The following CFAP299 variants were observed in gnomAD, a reference collection of about 807,000 sequenced individuals.
The protein encoded by CFAP299 is cilia- and flagella-associated protein 299.
CFAP299 carries 21 observed loss-of-function variants against 27.0 expected under a neutral mutation model. The ratio of observed to expected loss-of-function variants is 0.78; its 90% CI spans 0.55 to 1.12. The LOEUF (loss-of-function observed/expected upper bound fraction) is 1.12, where lower values mean the gene tolerates loss of function less well. CFAP299 is among the 50% of genes most tolerant of loss of function. CFAP299 has a pLI of 0.00. For synonymous variants in CFAP299, 104 were observed against 98.1 expected (o/e 1.06, Z -0.36); for missense variants, 310 against 276.6 (o/e 1.12, Z -0.86).
chr4:80,732,507 A>G (rs974620804), intron 3 of CFAP299, among the ~76,000 whole-genome samples: 1 of 152,184 alleles, frequency 6.6e-6, no homozygotes, highest in Non-Finnish European at 1.5e-5. Flanking sequence ...TCTTTTGAAT[A>G]GTACATTCTA....
At chr4:80,492,624 AT>A (rs1731195457) in intron 2 of CFAP299, among the ~76,000 whole-genome samples, 1 of 152,176 alleles carries the variant, frequency 6.6e-6, no homozygotes, top group South Asian at 2.1e-4. Flanking sequence ...TTCAAGACAC[AT>A]TTTCATGCAT....
In CFAP299 at chr4:80,391,058, T is replaced by C. The variant is rs887339712; in HGVS notation, c.242+28174T>C. Among the ~76,000 whole-genome samples the C allele has an allele frequency of 1.3e-4, 20 of 151,772 alleles. 1 individual carries two copies. Among genetic ancestry groups the C allele is most frequent in the African/African-American group, 4.1e-4 (17 of 41,416 alleles). ...ATACACACACACATATATACACACA[T>C]ATATATACATATACACATATATACA... On this transcript the variant is annotated intron_variant, in intron 2 of 5. Transcript: ENST00000358105.
intron 2 of CFAP299, among the ~76,000 whole-genome samples, chr4:80,483,627 T>C (rs139387243): frequency 1.2e-4 from 18 of 152,118 alleles, no homozygotes; most frequent in Middle Eastern, 3.4e-3. Context: ...TTTAAGAAAA[T>C]TTCAGGACTT....
At chr4:80,659,466 T>A (rs374336835) in intron 3 of CFAP299, among the ~76,000 whole-genome samples, 7 of 151,936 alleles carry the variant, frequency 4.6e-5, no homozygotes, top group African/African-American at 1.7e-4. Flanking sequence ...AAAGAATAAC[T>A]CACTTGAAAT....
chr4:80,916,252 AATATATATATATATATATATATATATAT>A lies in CFAP299; in HGVS notation c.477-28541_477-28514del, dbSNP rs10696316. On this transcript the variant is annotated intron_variant, in intron 4 of 5. Transcript: ENST00000358105. ...ACTCTGGTCTGGGCAACTAGACTGA[AATATATATATATATATATATATATATAT>A]ATATATATATATATATTTCAGGTAC... is the stretch of plus-strand genomic sequence containing the variant. 3.3e-3 allele frequency among the ~76,000 whole-genome samples: 201 copies of A among 60,964 alleles called. 3 individuals carry two copies. The highest frequency in any genetic ancestry group is 8.7e-3 in the African/African-American group (190 of 21,892). The allele number at this position is 60,964 out of a possible 152,430, so 40.0% of individuals were successfully genotyped here.
chr4:80,633,651 G>A (rs1295485366), intron 3 of CFAP299, among the ~76,000 whole-genome samples: 1 of 152,018 alleles, frequency 6.6e-6, no homozygotes, highest in African/African-American at 2.4e-5. Flanking sequence ...ATACTGCCAG[G>A]AATGCTGATA....
chr4:80,580,967 G>A (rs753577694), intron 2 of CFAP299, among the ~76,000 whole-genome samples: 32 of 151,874 alleles, frequency 2.1e-4, no homozygotes, highest in Non-Finnish European at 3.8e-4. Flanking sequence ...ATGAAGAGCC[G>A]CAGTAAACCT....
At chr4:80,683,904 C>G (rs990842654) in intron 3 of CFAP299, among the ~76,000 whole-genome samples, 2 of 152,146 alleles carry the variant, frequency 1.3e-5, no homozygotes, top group African/African-American at 4.8e-5. Context: ...TTCATTTTCT[C>G]TATTATGAAC....
At chr4:80,557,627 A>G (rs1166835310) in intron 2 of CFAP299, among the ~76,000 whole-genome samples, 4 of 152,108 alleles carry the variant, frequency 2.6e-5, no homozygotes, top group Non-Finnish European at 4.4e-5. Context: ...ACTGTGACCA[A>G]AACCATCAAA....
chr4:80,497,058 A>G (rs951754915), intron 2 of CFAP299, among the ~76,000 whole-genome samples: 2 of 152,086 alleles, frequency 1.3e-5, no homozygotes, highest in African/African-American at 4.8e-5. Flanking sequence ...ACCAGGCCCC[A>G]CCTTCAACAT....
chr4:80,957,901 T>C (rs1250238456), intron 5 of CFAP299, among the ~76,000 whole-genome samples: 1 of 152,192 alleles, frequency 6.6e-6, no homozygotes, highest in Admixed American at 6.5e-5. Context: ...ACTGTTTATA[T>C]AGGTATCTCA....
At chr4:80,545,929 G>A (rs1167158722) in intron 2 of CFAP299, among the ~76,000 whole-genome samples, 1 of 148,794 alleles carries the variant, frequency 6.7e-6, no homozygotes, top group Non-Finnish European at 1.5e-5. Context: ...TTACTCCTTG[G>A]ATGAAAGATC....
chr4:80,732,062 G>GACACACAC (rs1354639341), intron 3 of CFAP299, among the ~76,000 whole-genome samples: 1 of 139,358 alleles, frequency 7.2e-6, no homozygotes, highest in Admixed American at 6.9e-5. Flanking sequence ...CAGACACACA[G>GACACACAC]ACACACAGAC....
At chr4:80,529,444 G>T (rs1733356019) in intron 2 of CFAP299, among the ~76,000 whole-genome samples, 1 of 152,090 alleles carries the variant, frequency 6.6e-6, no homozygotes, top group African/African-American at 2.4e-5. Flanking sequence ...AGTACTCAAT[G>T]CTATTGTACG....
At chr4:80,359,223 C>G (rs1400826311) in intron 1 of CFAP299, among the ~76,000 whole-genome samples, 1 of 152,142 alleles carries the variant, frequency 6.6e-6, no homozygotes, top group African/African-American at 2.4e-5. Context: ...TATAGGTGAT[C>G]TGACGCTTCT....
In CFAP299 at chr4:80,471,047, C is replaced by G. The variant is rs548623535; in HGVS notation, c.242+108163C>G. ...GTCATGTAATTATCCACAGAATAAC[C>G]TCGTACAGGGAGTTATTACTGTTAT... is the stretch of plus-strand genomic sequence containing the variant. On this transcript the variant is annotated intron_variant, in intron 2 of 5. Transcript: ENST00000358105. Among the ~76,000 whole-genome samples, 76 of 151,948 alleles carry G rather than the reference C, an allele frequency of 5.0e-4. 1 individual carries two copies. Among genetic ancestry groups the G allele is most frequent in the African/African-American group, 1.8e-3 (73 of 41,342 alleles).
chr4:80,450,073 T>A (rs924532157), intron 2 of CFAP299, among the ~76,000 whole-genome samples: 1 of 152,164 alleles, frequency 6.6e-6, no homozygotes, highest in Admixed American at 6.5e-5. Flanking sequence ...ATTGGCACAA[T>A]GTTTTTCCAA....
At chr4:80,620,240 G>A (rs923954252) in intron 3 of CFAP299, among the ~76,000 whole-genome samples, 8 of 152,098 alleles carry the variant, frequency 5.3e-5, no homozygotes, top group African/African-American at 1.9e-4. Flanking sequence ...AATCTTCAGG[G>A]TTTCAGGGTT....
Position 80,963,632 on chromosome 4 carries a change from C to G in CFAP299, c.*20C>G. On this transcript the variant is annotated 3_prime_UTR_variant, in exon 6 of 6. Transcript: ENST00000358105. The stretch of plus-strand genomic sequence containing the variant: ...ACTTAAGTACCAACATGTTAATTTC[C>G]TAATAATTTGCTAAATTTAAATAAA... 1 of 1,489,890 alleles carries G rather than the reference C, an allele frequency of 6.7e-7. No individual in the cohort carries two copies. Among genetic ancestry groups the G allele is most frequent in the Non-Finnish European group, 9.3e-7 (1 of 1,079,660 alleles). 92.3% of individuals were successfully genotyped at this position (1,489,890 alleles called of 1,614,324 possible). A position where few individuals can be genotyped will look rare whatever the true frequency, so the allele number is the denominator to read the frequency against.
Sources: allele counts gnomAD v4.1 joint callset (sites outside exome capture counted in the v4.1 genomes callset), GRCh38; gene constraint gnomAD v4.1.1; transcripts MANE v1.5; gene names NCBI Gene and HGNC (gene_info 2026-07-23, HGNC 2026-07-21).